PARD3B: variants seen among roughly 807,000 people sequenced by gnomAD.
The protein encoded by PARD3B is par-3 family cell polarity regulator beta, also known as partitioning defective 3 homolog B.
PARD3B carries 103 observed loss-of-function variants against 130.2 expected under a neutral mutation model. That is an observed-to-expected ratio of 0.79 (90% CI 0.67 to 0.93). PARD3B has a LOEUF of 0.93. PARD3B is among the 40% of genes least tolerant of loss of function. The pLI is 0.00. For synonymous variants in PARD3B, 583 were observed against 553.2 expected (o/e 1.05, Z -0.76); for missense variants, 1,609 against 1,499.2 (o/e 1.07, Z -1.21).
At chr2:205,542,380 G>GTGTGTGTA (rs1392791104) in intron 21 of PARD3B, among the ~76,000 whole-genome samples, 4 of 147,644 alleles carry the variant, frequency 2.7e-5, no homozygotes, top group African/African-American at 7.4e-5. Context: ...GTGTGTGTGT[G>GTGTGTGTA]TGTATGTATG....
At position 205,142,479 on chromosome 2, in the gene PARD3B, C is replaced by T. The variant is rs529000673; in HGVS notation, c.1435-16243C>T. Among the ~76,000 whole-genome samples the T allele has an allele frequency of 1.4e-4, 21 of 152,034 alleles. No individual in the cohort carries two copies. The highest frequency in any genetic ancestry group is 1.0e-3 in the Admixed American group (16 of 15,272). On this transcript the variant is annotated intron_variant, in intron 10 of 22. Coordinates refer to ENST00000406610, the MANE Select transcript of PARD3B (RefSeq NM_001302769.2). The surrounding 1 kb of genome is among the most constrained non-coding windows in gnomAD (Gnocchi z 4.3). ...AAACATGTATGAAGTCATCGCATAA[C>T]GAATACTTACTAGATGCATACATTC... is the stretch of plus-strand genomic sequence containing the variant.
chr2:204,754,088 A>AT (rs2040572252), intron 2 of PARD3B, among the ~76,000 whole-genome samples: 1 of 152,060 alleles, frequency 6.6e-6, no homozygotes. Context: ...AGCATTGAGG[A>AT]TAGCCTCTGA....
intron 15 of PARD3B, among the ~76,000 whole-genome samples, chr2:205,238,717 A>G (rs1249028860): frequency 6.7e-6 from 1 of 149,788 alleles, no homozygotes; most frequent in Non-Finnish European, 1.5e-5. Flanking sequence ...TTGTAATCCC[A>G]GATACTTGGG....
chr2:205,518,318 AC>A lies in PARD3B; in HGVS notation c.3180+18289del, dbSNP rs1437251051. 3.3e-5 allele frequency among the ~76,000 whole-genome samples: 5 copies of A among 152,094 alleles called. No homozygotes were observed. In the East Asian group the frequency reaches 9.7e-4, roughly 29 times the overall value. On this transcript the variant is annotated intron_variant, in intron 21 of 22. Transcript: ENST00000406610. ...TAGGCCTTGTTGAATTGAACCCTTT[AC>A]CATTATGTAATGCCCGTCTTTATCT...
Position 205,473,684 on chromosome 2 carries a change from GTA to G in PARD3B, c.3045-26187_3045-26186del, listed in dbSNP as rs369766633. 0.39 allele frequency among the ~76,000 whole-genome samples: 44,516 copies of G among 113,964 alleles called. 7,577 individuals are homozygous for G. Among genetic ancestry groups the G allele is most frequent in the South Asian group, 0.45 (1,614 of 3,560 alleles). 74.8% of individuals were successfully genotyped at this position (113,964 alleles called of 152,430 possible). A position where few individuals can be genotyped will look rare whatever the true frequency, so the allele number is the denominator to read the frequency against. On this transcript the variant is annotated intron_variant, in intron 20 of 22. Coordinates refer to ENST00000406610, the MANE Select transcript of PARD3B (RefSeq NM_001302769.2). This position sits in a 1 kb window ranked among gnomAD's most constrained non-coding sequence, Gnocchi z 4.9. ...TGTGTGTGTGTGTGTGTGTGTGTAT[GTA>G]TATATATATATATATATATATATAC... is the stretch of plus-strand genomic sequence containing the variant.
intron 20 of PARD3B, among the ~76,000 whole-genome samples, chr2:205,484,513 C>T (rs1316296811): frequency 6.6e-6 from 1 of 152,098 alleles, no homozygotes. Flanking sequence ...GGGAAAGAAG[C>T]TAAAGTTGTT....
rs1230761394 is a variant in PARD3B, at chr2:204,943,205, TATA to T, written c.223-21943_223-21941del. On this transcript the variant is annotated intron_variant, in intron 2 of 22. Coordinates refer to ENST00000406610, the MANE Select transcript of PARD3B (RefSeq NM_001302769.2). This position sits in a 1 kb window ranked among gnomAD's most constrained non-coding sequence, Gnocchi z 4.2. Reference sequence around the variant, plus strand: ...ATATATATATGTGTGTGTATATATATATAATATGTTAATTTTCATAGATCCAAA... The same window carrying T: ...ATATATATATGTGTGTGTATATATATATATGTTAATTTTCATAGATCCAAA... Among the ~76,000 whole-genome samples, 1 of 152,006 alleles carries T rather than the reference TATA, an allele frequency of 6.6e-6. No homozygotes were observed. Among genetic ancestry groups the T allele is most frequent in the Non-Finnish European group, 1.5e-5 (1 of 67,998 alleles).
intron 2 of PARD3B, among the ~76,000 whole-genome samples, chr2:204,934,167 C>T (rs746349523): frequency 2.6e-5 from 4 of 152,186 alleles, no homozygotes; most frequent in Non-Finnish European, 5.9e-5. Flanking sequence ...TCTGCCTTGA[C>T]ATTTTTTACT....
intron 2 of PARD3B, among the ~76,000 whole-genome samples, chr2:204,881,409 G>T (rs952495511): frequency 6.6e-6 from 1 of 151,588 alleles, no homozygotes; most frequent in African/African-American, 2.4e-5. Context: ...AGATTGCTGT[G>T]TATTTTATAC....
chr2:205,493,439 A>C (rs977630710), intron 20 of PARD3B, among the ~76,000 whole-genome samples: 1 of 152,158 alleles, frequency 6.6e-6, no homozygotes, highest in African/African-American at 2.4e-5. Context: ...AAAACCATTG[A>C]AATTCCACCC....
At chr2:204,608,949 A>G (rs1179138787) in intron 1 of PARD3B, among the ~76,000 whole-genome samples, 2 of 152,236 alleles carry the variant, frequency 1.3e-5, no homozygotes, top group Non-Finnish European at 2.9e-5. Flanking sequence ...TCCCTGTAGC[A>G]TAAATAATTC....
intron 15 of PARD3B, among the ~76,000 whole-genome samples, chr2:205,215,435 C>A (rs1161665021): frequency 6.6e-6 from 1 of 151,870 alleles, no homozygotes; most frequent in Admixed American, 6.6e-5. Flanking sequence ...TTAGAAAATA[C>A]TTGACAAAAG....
intron 18 of PARD3B, among the ~76,000 whole-genome samples, chr2:205,380,996 AATAT>A (rs1159734695): frequency 4.3e-5 from 4 of 92,152 alleles, no homozygotes; most frequent in East Asian, 3.5e-4. Context: ...ATATCTAAAG[AATAT>A]ATATAATATA....
intron 16 of PARD3B, among the ~76,000 whole-genome samples, chr2:205,282,245 A>T (rs2041217705): frequency 6.6e-6 from 1 of 152,052 alleles, no homozygotes; most frequent in African/African-American, 2.4e-5. Context: ...AAGAAATTTA[A>T]TCCAAAATAA....
At chr2:205,370,335 T>C (rs1035141888) in intron 18 of PARD3B, among the ~76,000 whole-genome samples, 1 of 152,192 alleles carries the variant, frequency 6.6e-6, no homozygotes, top group Non-Finnish European at 1.5e-5. Flanking sequence ...CAAAAGCATA[T>C]TTAAGTATTA....
intron 2 of PARD3B, among the ~76,000 whole-genome samples, chr2:204,868,522 T>C (rs990766313): frequency 6.6e-6 from 1 of 152,118 alleles, no homozygotes; most frequent in Non-Finnish European, 1.5e-5. Flanking sequence ...TTTTAGAAAT[T>C]ATCCAGTCTT....
rs2035886173 is a variant in PARD3B at position 205,183,132 on chromosome 2, T to C, written c.1925-2632T>C. On this transcript the variant is annotated intron_variant, in intron 13 of 22. Transcript: ENST00000406610. This position sits in a 1 kb window ranked among gnomAD's most constrained non-coding sequence, Gnocchi z 5.2. The stretch of plus-strand genomic sequence containing the variant: ...ATTTGGGTGGACCTTGGGAGAAGGG[T>C]AGGATTTTGACAGGTAGAGTAGGTT... Among the ~76,000 whole-genome samples, 1 of 151,802 alleles carries C rather than the reference T, an allele frequency of 6.6e-6. No individual in the cohort carries two copies. Among genetic ancestry groups the C allele is most frequent in the Non-Finnish European group, 1.5e-5 (1 of 67,942 alleles).
In PARD3B at chr2:204,654,436, A is replaced by C. The variant is rs560982278; in HGVS notation, c.121-31745A>C. On this transcript the variant is annotated intron_variant, in intron 1 of 22. Coordinates refer to ENST00000406610, the MANE Select transcript of PARD3B (RefSeq NM_001302769.2). ...GCTTTCTTGAGTATCATCACAGATA[A>C]CTCTGTTACCTGGTAATGAAGAACT... 1.2e-3 allele frequency among the ~76,000 whole-genome samples: 181 copies of C among 145,904 alleles called. 1 individual carries two copies. Among genetic ancestry groups the C allele is most frequent in the Non-Finnish European group, 2.1e-3 (145 of 67,918 alleles).
chr2:204,588,437 T>A (rs1007124388), intron 1 of PARD3B, among the ~76,000 whole-genome samples: 4 of 152,192 alleles, frequency 2.6e-5, no homozygotes, highest in African/African-American at 7.2e-5. Flanking sequence ...TTACCATCAT[T>A]TAATGCTGGA....
Sources: gnomAD v4.1 joint callset for allele counts (sites outside exome capture counted in the v4.1 genomes callset) on GRCh38, gnomAD v4.1.1 for gene constraint, Gnocchi (gnomAD v3.1) non-coding constraint, MANE v1.5 for transcripts, NCBI Gene and HGNC (gene_info 2026-07-23, HGNC 2026-07-21) for gene names.